Variants in RASGRP1 observed in about 807,000 individuals in gnomAD.
RASGRP1 encodes RAS guanyl-releasing protein 1.
A neutral mutation model predicts 95.1 loss-of-function variants in RASGRP1; 37 were observed. The ratio of observed to expected loss-of-function variants is 0.39; its 90% CI spans 0.30 to 0.51. The LOEUF is 0.51. RASGRP1 is among the 20% of genes least tolerant of loss of function. The pLI, the probability that RASGRP1 is intolerant of heterozygous loss-of-function variation, is 0.80. For missense variants in RASGRP1, 711 were observed against 965.4 expected (o/e 0.74, Z 3.49); for synonymous variants, 325 against 353.4 (o/e 0.92, Z 0.90).
intron 6 of RASGRP1, among the ~76,000 whole-genome samples, chr15:38,515,860 A>G (rs1213525675): frequency 7.2e-6 from 1 of 139,802 alleles, no homozygotes; most frequent in Non-Finnish European, 1.6e-5. Flanking sequence ...GAGGATTATC[A>G]GGGGTATGAG....
chr15:38,529,342 C>T (rs1892351377), intron 2 of RASGRP1, among the ~76,000 whole-genome samples: 1 of 152,172 alleles, frequency 6.6e-6, no homozygotes, highest in Non-Finnish European at 1.5e-5. Flanking sequence ...CTTTAAATAT[C>T]ATCCACTTCA....
chr15:38,552,110 C>T (rs1893364392), intron 2 of RASGRP1, among the ~76,000 whole-genome samples: 1 of 152,144 alleles, frequency 6.6e-6, no homozygotes, highest in Non-Finnish European at 1.5e-5. Flanking sequence ...CACGAAATAA[C>T]TTTGACTTCA....
chr15:38,558,954 T>A (rs1893691631), intron 2 of RASGRP1, among the ~76,000 whole-genome samples: 1 of 152,038 alleles, frequency 6.6e-6, no homozygotes, highest in African/African-American at 2.4e-5. Context: ...GGGGGGTTGG[T>A]ATGTCTGAGC....
intron 3 of RASGRP1, among the ~76,000 whole-genome samples, chr15:38,522,066 C>T (rs906623020): frequency 1.3e-5 from 2 of 152,116 alleles, no homozygotes; most frequent in African/African-American, 4.8e-5. Flanking sequence ...TGTTTGCACC[C>T]ATAGTAATGC....
chr15:38,499,898 C>A (rs374931287), intron 14 of RASGRP1, among the ~76,000 whole-genome samples: 2 of 152,180 alleles, frequency 1.3e-5, no homozygotes, highest in Non-Finnish European at 2.9e-5. Flanking sequence ...CTCAGCACTT[C>A]TCCTTCCTGC....
chr15:38,555,185 G>A (rs947254608), intron 2 of RASGRP1, among the ~76,000 whole-genome samples: 1 of 152,172 alleles, frequency 6.6e-6, no homozygotes, highest in Non-Finnish European at 1.5e-5. Context: ...AATAAGCTGA[G>A]GCCTATAAAA....
At chr15:38,539,000 T>A (rs1389599095) in intron 2 of RASGRP1, among the ~76,000 whole-genome samples, 2 of 152,168 alleles carry the variant, frequency 1.3e-5, no homozygotes, top group Non-Finnish European at 2.9e-5. Context: ...ACCACTCTCC[T>A]CACACGTTGC....
Position 38,547,491 on chromosome 15 carries a change from T to C in RASGRP1, c.220+12330A>G, listed in dbSNP as rs936101911. Among the ~76,000 whole-genome samples, 8 of 152,158 alleles carry C rather than the reference T, an allele frequency of 5.3e-5. 1 individual carries two copies. The highest frequency in any genetic ancestry group is 5.2e-4 in the Admixed American group (8 of 15,278). ...CCACTCTGACTCCCAGAGTTGTAACTTGGCAATGCACCCTCCAAGAGCTGC... is the reference window on the plus strand; with the variant it reads ...CCACTCTGACTCCCAGAGTTGTAACCTGGCAATGCACCCTCCAAGAGCTGC... On this transcript the variant is annotated intron_variant, in intron 2 of 16. Coordinates refer to ENST00000310803, the MANE Select transcript of RASGRP1 (RefSeq NM_005739.4).
At chr15:38,554,319 T>C (rs894791312) in intron 2 of RASGRP1, among the ~76,000 whole-genome samples, 1 of 152,060 alleles carries the variant, frequency 6.6e-6, no homozygotes, top group Non-Finnish European at 1.5e-5. Flanking sequence ...TTGGGAGGAT[T>C]AATTGGGTCA....
intron 3 of RASGRP1, among the ~76,000 whole-genome samples, chr15:38,525,322 T>A (rs1892174997): frequency 6.6e-6 from 1 of 152,144 alleles, no homozygotes; most frequent in Non-Finnish European, 1.5e-5. Flanking sequence ...GGGAGGAATA[T>A]TTAATCACTG....
rs748639987 is a variant in RASGRP1, at chr15:38,526,316, G to C, written c.309C>G (p.Leu103=). The change falls in exon 3 of 17, where the codon CTC becomes CTG. Residue 103 remains leucine, a synonymous_variant. Coordinates refer to ENST00000310803, the MANE Select transcript of RASGRP1 (RefSeq NM_005739.4). ...AAGGATATAGGGTGATAACTTTTTG[G>C]AGCAGTTCTGCAGAGGAGATGACAA... is the stretch of plus-strand genomic sequence containing the variant. ...HRIVISSAEL[L]QKVITLYKDA... is the part of the protein sequence containing the mutation. 1 of 1,613,010 alleles carries C rather than the reference G, an allele frequency of 6.2e-7. No homozygotes were observed. The highest frequency in any genetic ancestry group is 1.7e-5 in the Admixed American group (1 of 59,944).
At chr15:38,518,520 C>G (rs1891877333) in intron 4 of RASGRP1, 97 bp from the exon 5 acceptor site, 1 of 1,296,074 alleles carries the variant, frequency 7.7e-7, no homozygotes, top group Non-Finnish European at 1.1e-6. Context: ...AAAGAGAACT[C>G]AGAAAAAGAC....
chr15:38,491,053 CT>C (rs1225051178), intron 16 of RASGRP1, among the ~76,000 whole-genome samples: 1 of 152,146 alleles, frequency 6.6e-6, no homozygotes, highest in Non-Finnish European at 1.5e-5. Context: ...ACTGAGAATT[CT>C]GTAATGCAAG....
intron 3 of RASGRP1, among the ~76,000 whole-genome samples, chr15:38,520,579 A>C (rs1342297736): frequency 6.6e-6 from 1 of 152,192 alleles, no homozygotes; most frequent in Admixed American, 6.5e-5. Flanking sequence ...TTGTGGTTTT[A>C]AATTGAAACC....
intron 2 of RASGRP1, among the ~76,000 whole-genome samples, chr15:38,544,081 C>A (rs1274120728): frequency 6.6e-6 from 1 of 152,142 alleles, no homozygotes; most frequent in Non-Finnish European, 1.5e-5. Context: ...CAGATTTAGG[C>A]TTCATTAGGG....
chr15:38,499,129 A>C (rs556134586), intron 14 of RASGRP1, 183 bp from the exon 15 acceptor site: 1 of 808,000 alleles, frequency 1.2e-6, no homozygotes, highest in South Asian at 1.4e-5. Context: ...CAGAGCTCAC[A>C]CTCTTGATGT....
At chr15:38,497,524 A>G (rs1434994340) in intron 15 of RASGRP1, among the ~76,000 whole-genome samples, 1 of 151,954 alleles carries the variant, frequency 6.6e-6, no homozygotes, top group Admixed American at 6.6e-5. Flanking sequence ...TTCAAGACTT[A>G]GCTGAAATTC....
intron 3 of RASGRP1, among the ~76,000 whole-genome samples, chr15:38,520,754 A>T (rs867545274): frequency 1.5e-4 from 23 of 152,320 alleles, no homozygotes; most frequent in East Asian, 9.6e-4. Flanking sequence ...GTTTAAAATC[A>T]TTGGGAATAT....
intron 16 of RASGRP1, among the ~76,000 whole-genome samples, chr15:38,493,162 G>A (rs1187790473): frequency 6.7e-6 from 1 of 148,676 alleles, no homozygotes; most frequent in East Asian, 2.0e-4. Flanking sequence ...TAACAGGCGT[G>A]AGCCACCACG....
Sources: gnomAD v4.1 joint callset for allele counts (sites outside exome capture counted in the v4.1 genomes callset) on GRCh38, gnomAD v4.1.1 for gene constraint, MANE v1.5 for transcripts, NCBI Gene and HGNC (gene_info 2026-07-23, HGNC 2026-07-21) for gene names.